The following ANK3 variants were observed in gnomAD, a reference collection of about 807,000 sequenced individuals.
ANK3 encodes the protein ankyrin 3.
ANK3 carries 57 observed loss-of-function variants against 370.9 expected under a neutral mutation model. The observed-to-expected ratio is 0.15, with a 90% CI of 0.12 to 0.19. The LOEUF is 0.19. Among genes scored for constraint, ANK3 ranks in the 10% least tolerant of loss-of-function variants. The pLI is 1.00. For synonymous variants in ANK3, 1,929 were observed against 1,946.3 expected, an observed-to-expected ratio of 0.99 and a Z score of 0.23; for missense variants, 4,439 against 5,302.1, an observed-to-expected ratio of 0.84 and a Z score of 5.06.
At chr10:60,450,963 G>C (rs911618065) in intron 2 of ANK3, among the ~76,000 whole-genome samples, 3 of 152,210 alleles carry the variant, frequency 2.0e-5, no homozygotes, top group African/African-American at 7.2e-5. Context: ...GGTCTTTGCA[G>C]ATGTAATTAA....
chr10:60,390,289 C>T (rs2062983666), upstream of ANK3, among the ~76,000 whole-genome samples: 1 of 152,122 alleles, frequency 6.6e-6, no homozygotes, highest in South Asian at 2.1e-4. Flanking sequence ...CTTTTAAAAA[C>T]AACATGCTGA....
chr10:60,657,178 C>T (rs10821818), intron 1 of ANK3, among the ~76,000 whole-genome samples: 96,180 of 152,004 alleles, frequency 0.63, 30,715 homozygotes, highest in South Asian at 0.76. Context: ...ACCATTAGAT[C>T]TCGTGAGACT....
chr10:60,215,987 AT>A (rs1244576862), intron 8 of ANK3, among the ~76,000 whole-genome samples: 2 of 152,146 alleles, frequency 1.3e-5, no homozygotes, highest in South Asian at 2.1e-4. Flanking sequence ...TGAAGATGGA[AT>A]GTTTCTTCAT....
At chr10:60,583,524 TG>T (rs200658772) in intron 2 of ANK3, among the ~76,000 whole-genome samples, 4,155 of 98,058 alleles carry the variant, frequency 0.042, 552 homozygotes, top group African/African-American at 0.083. Flanking sequence ...TTTTGTTTTT[TG>T]TTTTTTTTTG....
At chr10:60,034,926 G>A (rs1323206557) in intron 43 of ANK3, among the ~76,000 whole-genome samples, 1 of 151,994 alleles carries the variant, frequency 6.6e-6, no homozygotes, top group African/African-American at 2.4e-5. Context: ...CCCAATTCAG[G>A]TAGCTTTGTT....
intron 1 of ANK3, among the ~76,000 whole-genome samples, chr10:60,383,113 G>T (rs947952537): frequency 6.6e-6 from 1 of 151,938 alleles, no homozygotes; most frequent in Non-Finnish European, 1.5e-5. Context: ...AACCACACAG[G>T]CCTTGGTTCC....
intron 2 of ANK3, among the ~76,000 whole-genome samples, chr10:60,599,187 T>A (rs2078027548): frequency 6.6e-6 from 1 of 152,076 alleles, no homozygotes. Context: ...CCCCTTGGCC[T>A]CCCAAACTGC....
At chr10:60,682,909 A>G (rs988051340) in intron 1 of ANK3, among the ~76,000 whole-genome samples, 10 of 152,202 alleles carry the variant, frequency 6.6e-5, no homozygotes, top group African/African-American at 2.4e-4. Context: ...AACCCAAACA[A>G]GGGTTCATGG....
chr10:60,198,076 A>C (rs2096615497), intron 14 of ANK3, among the ~76,000 whole-genome samples: 1 of 152,196 alleles, frequency 6.6e-6, no homozygotes, highest in African/African-American at 2.4e-5. Context: ...AGGCCACCAA[A>C]TAATTTACAA....
chr10:60,102,176 T>C (rs1416508209), intron 28 of ANK3, among the ~76,000 whole-genome samples: 1 of 149,230 alleles, frequency 6.7e-6, no homozygotes, highest in Non-Finnish European at 1.5e-5. Context: ...GGTTGGCAAC[T>C]AGATAGCAGC....
chr10:60,492,720 AAAAAG>A (rs2075547018), intron 2 of ANK3, among the ~76,000 whole-genome samples: 2 of 143,108 alleles, frequency 1.4e-5, no homozygotes, highest in African/African-American at 2.7e-5. Flanking sequence ...AAAAAAAAAA[AAAAAG>A]AAAGAAAGAA....
chr10:60,501,006 A>G (rs2075781897), intron 2 of ANK3, among the ~76,000 whole-genome samples: 1 of 152,188 alleles, frequency 6.6e-6, no homozygotes, highest in African/African-American at 2.4e-5. Context: ...AAGTCCTTAT[A>G]GTCCCAAGTT....
chr10:60,348,365 A>ACAC (rs539733847), intron 1 of ANK3, among the ~76,000 whole-genome samples: 13,892 of 92,754 alleles, frequency 0.15, 1,032 homozygotes, highest in South Asian at 0.22. Context: ...AAAAAAAAAA[A>ACAC]AAAAACACAA....
chr10:60,312,676 C>G (rs890378913), intron 1 of ANK3, among the ~76,000 whole-genome samples: 1 of 152,172 alleles, frequency 6.6e-6, no homozygotes, highest in African/African-American at 2.4e-5. Flanking sequence ...TAACAGGTTT[C>G]GCATCTCCCT....
intron 43 of ANK3, among the ~76,000 whole-genome samples, chr10:60,037,558 C>T (rs1189179747): frequency 6.6e-6 from 1 of 152,094 alleles, no homozygotes; most frequent in African/African-American, 2.4e-5. Flanking sequence ...TTTTCTGTTC[C>T]TATGTTAGTT....
In ANK3 at chr10:60,168,025, G is replaced by A. The variant is rs144080560; in HGVS notation, c.2479-1129C>T. Among the ~76,000 whole-genome samples the A allele has an allele frequency of 9.5e-3, 1,447 of 152,144 alleles. 11 individuals are homozygous for A. The highest frequency in any genetic ancestry group is 0.042 in the South Asian group (203 of 4,808). On this transcript the variant is annotated intron_variant, in intron 21 of 43. Coordinates refer to ENST00000280772, the MANE Select transcript of ANK3 (RefSeq NM_020987.5). ...TCCCCTTATTATTAAAATCTTCATT[G>A]ATAGTATTATTATTATTTGAGACCA...
At chr10:60,134,159 A>G in intron 25 of ANK3, 112 bp downstream of exon 25, 1 of 873,454 alleles carries the variant, frequency 1.1e-6, no homozygotes, top group Admixed American at 2.8e-5. Context: ...AAGATTTACA[A>G]ATGTAAAATC....
chr10:60,471,175 C>T (rs2065209931), intron 2 of ANK3, among the ~76,000 whole-genome samples: 1 of 152,056 alleles, frequency 6.6e-6, no homozygotes, highest in Admixed American at 6.6e-5. Flanking sequence ...GTTTGAAATT[C>T]CAAACAATAC....
intron 2 of ANK3, among the ~76,000 whole-genome samples, chr10:60,451,742 G>T (rs551470089): frequency 2.0e-5 from 3 of 152,318 alleles, no homozygotes; most frequent in African/African-American, 7.2e-5. Flanking sequence ...AGCTCCAAAT[G>T]TGGTTGTCTT....
Sources: allele counts gnomAD v4.1 joint callset (sites outside exome capture counted in the v4.1 genomes callset), GRCh38; gene constraint gnomAD v4.1.1; transcripts MANE v1.5; gene names NCBI Gene and HGNC (gene_info 2026-07-23, HGNC 2026-07-21).